Variants in C2CD5 observed in about 807,000 individuals in gnomAD.
C2CD5 encodes C2 calcium dependent domain containing 5.
A neutral mutation model predicts 130.3 loss-of-function variants in C2CD5; 109 were observed. The observed-to-expected ratio is 0.84, with a 90% CI of 0.72 to 0.98. The LOEUF (loss-of-function observed/expected upper bound fraction) is 0.98. Ranked by LOEUF, C2CD5 falls within the 50% of genes least tolerant of loss-of-function variation. The pLI is 0.00. For synonymous variants in C2CD5, 454 were observed against 429.2 expected, an observed-to-expected ratio of 1.06 and a Z score of -0.71; for missense variants, 996 against 1,261.8, an observed-to-expected ratio of 0.79 and a Z score of 3.19.
At chr12:22,473,911 T>C (rs1943430034) in intron 16 of C2CD5, among the ~76,000 whole-genome samples, 1 of 152,064 alleles carries the variant, frequency 6.6e-6, no homozygotes, top group Non-Finnish European at 1.5e-5. Context: ...TAGAGAAATG[T>C]GGGGAAAAAG....
At chr12:22,529,833 G>C (rs1297556174) in intron 3 of C2CD5, among the ~76,000 whole-genome samples, 5 of 151,510 alleles carry the variant, frequency 3.3e-5, no homozygotes, top group Non-Finnish European at 7.4e-5. Context: ...CCTCCTCCTG[G>C]ACTCCCCTTC....
chr12:22,504,587 C>A (rs181752320), intron 10 of C2CD5, among the ~76,000 whole-genome samples: 2 of 152,130 alleles, frequency 1.3e-5, no homozygotes, highest in Non-Finnish European at 2.9e-5. Flanking sequence ...GGATTACAGG[C>A]GTGAGCCTCC....
chr12:22,481,339 T>C (rs1944674477), intron 14 of C2CD5, among the ~76,000 whole-genome samples: 1 of 152,166 alleles, frequency 6.6e-6, no homozygotes, highest in Non-Finnish European at 1.5e-5. Flanking sequence ...TAAATGTCTA[T>C]GCACTCTCAA....
At position 22,544,175 on chromosome 12, in the gene C2CD5, G is replaced by A. The variant is rs762559030; in HGVS notation, c.-25C>T. 6 of 1,609,274 alleles carry A rather than the reference G, an allele frequency of 3.7e-6. No homozygotes were observed. Among genetic ancestry groups the A allele is most frequent in the Admixed American group, 3.3e-5 (2 of 59,966 alleles). On this transcript the variant is annotated 5_prime_UTR_variant, in exon 2 of 27. Transcript: ENST00000446597. Reference sequence around the variant, plus strand: ...TGGTCTCGGTTTCGGCCTCTTCTTGGGCTCCTGCAGAAACAAACAAACGAG... The same window carrying A: ...TGGTCTCGGTTTCGGCCTCTTCTTGAGCTCCTGCAGAAACAAACAAACGAG...
At chr12:22,475,015 C>A in intron 15 of C2CD5, 124 bp from the exon 16 acceptor site, 1 of 546,320 alleles carries the variant, frequency 1.8e-6, no homozygotes. Flanking sequence ...CAGTGAAGTC[C>A]GTACTTAAGT....
chr12:22,508,167 A>G (rs962190614), intron 9 of C2CD5, among the ~76,000 whole-genome samples: 1 of 152,208 alleles, frequency 6.6e-6, no homozygotes, highest in African/African-American at 2.4e-5. Flanking sequence ...TGTGCACCTC[A>G]GTAACCCATG....
rs927475458 is a variant in C2CD5 at position 22,520,015 on chromosome 12, ATG to A, written c.801-1880_801-1879del. 4.6e-5 allele frequency among the ~76,000 whole-genome samples: 7 copies of A among 152,246 alleles called. No homozygotes were observed. The South Asian group carries it at 1.5e-3, about 32-fold the overall frequency. On this transcript the variant is annotated intron_variant, in intron 7 of 26. Coordinates refer to ENST00000446597, the MANE Select transcript of C2CD5 (RefSeq NM_001286176.2). ...ATATATCCTATAATAAACCATATCT[ATG>A]TGTGTGTATACTTAGAGCAGTTATA...
At chr12:22,542,432 G>A (rs1300511425) in intron 2 of C2CD5, among the ~76,000 whole-genome samples, 1 of 152,192 alleles carries the variant, frequency 6.6e-6, no homozygotes, top group Non-Finnish European at 1.5e-5. Flanking sequence ...GGGCTTTCCA[G>A]CCTCATCCCT....
intron 9 of C2CD5, among the ~76,000 whole-genome samples, chr12:22,512,486 T>C (rs1323563464): frequency 9.0e-6 from 1 of 110,928 alleles, no homozygotes; most frequent in Non-Finnish European, 1.7e-5. Context: ...AAAAAGAACA[T>C]GAGTCTCACA....
intron 22 of C2CD5, among the ~76,000 whole-genome samples, chr12:22,461,189 G>C (rs1472667708): frequency 6.6e-6 from 1 of 152,190 alleles, no homozygotes; most frequent in Admixed American, 6.5e-5. Flanking sequence ...GAGAGACTGG[G>C]ACACCAACTG....
chr12:22,494,796 C>A (rs1304503868), intron 10 of C2CD5, among the ~76,000 whole-genome samples: 1 of 152,014 alleles, frequency 6.6e-6, no homozygotes, highest in Non-Finnish European at 1.5e-5. Context: ...ATTAAGTGAA[C>A]CTATTTTACA....
chr12:22,460,388 TTAGTA>T (rs1940861912), intron 22 of C2CD5: 1 of 152,192 alleles, frequency 6.6e-6, no homozygotes, highest in South Asian at 2.1e-4. Context: ...TTCGGTTGGC[TTAGTA>T]TAGTATAGTT....
chr12:22,502,998 A>G (rs1382895086), intron 10 of C2CD5, among the ~76,000 whole-genome samples: 1 of 152,210 alleles, frequency 6.6e-6, no homozygotes, highest in Non-Finnish European at 1.5e-5. Context: ...AACATTAACT[A>G]ATCTAATTAT....
chr12:22,530,189 C>CTG (rs1407932475), intron 3 of C2CD5, among the ~76,000 whole-genome samples: 1 of 130,868 alleles, frequency 7.6e-6, no homozygotes, highest in African/African-American at 3.1e-5. Context: ...ATATATACAA[C>CTG]TGTGTATATA....
chr12:22,456,335 C>T (rs985970883), intron 25 of C2CD5, among the ~76,000 whole-genome samples: 5 of 152,236 alleles, frequency 3.3e-5, no homozygotes, highest in African/African-American at 1.2e-4. Context: ...TGTTCCTTAA[C>T]ATATGACACA....
intron 22 of C2CD5, among the ~76,000 whole-genome samples, chr12:22,461,559 G>GT (rs1941167487): frequency 6.6e-6 from 1 of 152,106 alleles, no homozygotes; most frequent in Non-Finnish European, 1.5e-5. Context: ...AAATACTTGT[G>GT]TTTTTTAAAA....
At chr12:22,472,938 A>C in intron 16 of C2CD5, 131 bp from the exon 17 acceptor site, 1 of 615,220 alleles carries the variant, frequency 1.6e-6, no homozygotes, top group Non-Finnish European at 2.9e-6. Flanking sequence ...ACAAGAAAAA[A>C]ATTCTAATAT....
chr12:22,451,309 T>G (rs575156789), intron 26 of C2CD5, among the ~76,000 whole-genome samples: 4 of 152,218 alleles, frequency 2.6e-5, no homozygotes, highest in Admixed American at 6.6e-5. Context: ...ATTAAGATGG[T>G]TCATTCATTA....
At chr12:22,503,925 T>C (rs1252071747) in intron 10 of C2CD5, among the ~76,000 whole-genome samples, 1 of 152,210 alleles carries the variant, frequency 6.6e-6, no homozygotes, top group Non-Finnish European at 1.5e-5. Flanking sequence ...AAAGCACTTA[T>C]ATGTATATGT....
Sources: allele counts gnomAD v4.1 joint callset (sites outside exome capture counted in the v4.1 genomes callset), GRCh38; gene constraint gnomAD v4.1.1; transcripts MANE v1.5; gene names NCBI Gene and HGNC (gene_info 2026-07-23, HGNC 2026-07-21).